The following MLLT10 variants were observed in gnomAD, a reference collection of about 807,000 sequenced individuals.
MLLT10 encodes protein AF-10.
A neutral mutation model predicts 129.1 loss-of-function variants in MLLT10; 30 were observed. That is an observed-to-expected ratio of 0.23 (90% CI 0.17 to 0.32). The LOEUF (loss-of-function observed/expected upper bound fraction) is 0.32. MLLT10 is among the 10% of genes least tolerant of loss of function. The pLI, the probability that MLLT10 is intolerant of heterozygous loss-of-function variation, is 1.00. For synonymous variants in MLLT10, 490 were observed against 446.4 expected (o/e 1.10, Z -1.23); for missense variants, 1,119 against 1,268.3 (o/e 0.88, Z 1.79).
At chr10:21,587,322 A>G (rs544021067) in intron 4 of MLLT10, among the ~76,000 whole-genome samples, 101 of 150,572 alleles carry the variant, frequency 6.7e-4, no homozygotes, top group Non-Finnish European at 1.4e-3. Flanking sequence ...TGGGAAGCTG[A>G]GCAGGAGGAT....
chr10:21,594,260 T>C (rs2042798329), intron 4 of MLLT10, among the ~76,000 whole-genome samples: 1 of 151,920 alleles, frequency 6.6e-6, no homozygotes, highest in African/African-American at 2.4e-5. Flanking sequence ...TTGTCAAAAG[T>C]ACCCTTCAGG....
In MLLT10 at chr10:21,716,698, A is replaced by C. The variant is rs768282192; in HGVS notation, c.1878+2748A>C. The stretch of plus-strand genomic sequence containing the variant: ...CAACAGAGCCAGACTCTGTCTCCCC[A>C]AAAAAAAAAAAAAGTAATTCTAGAA... On this transcript the variant is annotated intron_variant, in intron 14 of 22. Transcript: ENST00000307729. Among the ~76,000 whole-genome samples the C allele has an allele frequency of 4.4e-3, 627 of 143,230 alleles. 1 individual carries two copies. The highest frequency in any genetic ancestry group is 6.8e-3 in the South Asian group (31 of 4,544). The allele number at this position is 143,230 out of a possible 152,430, so 94.0% of individuals were successfully genotyped here.
chr10:21,573,298 A>G (rs1243143041), intron 3 of MLLT10, among the ~76,000 whole-genome samples: 1 of 152,204 alleles, frequency 6.6e-6, no homozygotes, highest in African/African-American at 2.4e-5. Flanking sequence ...TTGCTTTCAA[A>G]TATAGCTTTT....
At chr10:21,705,747 T>A (rs2055429139) in intron 13 of MLLT10, among the ~76,000 whole-genome samples, 2 of 152,230 alleles carry the variant, frequency 1.3e-5, no homozygotes, top group African/African-American at 4.8e-5. Flanking sequence ...TAGGACAGTG[T>A]GTAGCCTGTT....
At chr10:21,562,818 G>GTTTTTTT (rs1163404490) in intron 3 of MLLT10, among the ~76,000 whole-genome samples, 32 of 82,562 alleles carry the variant, frequency 3.9e-4, no homozygotes, top group East Asian at 1.0e-3. Context: ...TGTTTTTTTT[G>GTTTTTTT]TTTTTTTTTT....
intron 5 of MLLT10, among the ~76,000 whole-genome samples, chr10:21,606,434 T>C (rs962155646): frequency 6.6e-6 from 1 of 152,232 alleles, no homozygotes; most frequent in African/African-American, 2.4e-5. Flanking sequence ...ATGATTCCTC[T>C]GATGGATCTG....
At chr10:21,545,661 T>C (rs1175903517) in intron 3 of MLLT10, among the ~76,000 whole-genome samples, 1 of 152,202 alleles carries the variant, frequency 6.6e-6, no homozygotes, top group East Asian at 1.9e-4. Flanking sequence ...CACTTTCTCA[T>C]GACTATTTTT....
intron 4 of MLLT10, among the ~76,000 whole-genome samples, chr10:21,590,415 C>G (rs2042386235): frequency 6.6e-6 from 1 of 151,882 alleles, no homozygotes; most frequent in Admixed American, 6.6e-5. Flanking sequence ...TGTCGGCTCA[C>G]TGCAGACTTC....
chr10:21,737,344 G>A (rs1236511828), intron 21 of MLLT10, among the ~76,000 whole-genome samples: 2 of 152,188 alleles, frequency 1.3e-5, no homozygotes, highest in African/African-American at 4.8e-5. Context: ...GGAAAGCAGA[G>A]GAAGGGGAAG....
At chr10:21,540,653 A>G (rs2034985630) in intron 3 of MLLT10, among the ~76,000 whole-genome samples, 1 of 152,122 alleles carries the variant, frequency 6.6e-6, no homozygotes, top group Non-Finnish European at 1.5e-5. Context: ...AGTTATGCAA[A>G]CCTACCATTT....
In MLLT10 at chr10:21,614,704, C is replaced by A. The variant is rs1377974568; in HGVS notation, c.510-127C>A. 1.2e-5 allele frequency: 8 copies of A among 664,278 alleles called. No individual in the cohort carries two copies. In the East Asian group the frequency reaches 2.4e-4, roughly 20 times the overall value. 41.1% of individuals were successfully genotyped at this position (664,278 alleles called of 1,614,324 possible). A position where few individuals can be genotyped will look rare whatever the true frequency, so the allele number is the denominator to read the frequency against. On this transcript the variant is annotated intron_variant, in intron 6 of 22. Coordinates refer to ENST00000307729, the MANE Select transcript of MLLT10 (RefSeq NM_001195626.3). The stretch of plus-strand genomic sequence containing the variant: ...CAGCTAGAATAAAGCTTTTTATTTT[C>A]TCATTTTTTTCTTAGGAGATGTTAT...
In MLLT10 at chr10:21,612,317, G is replaced by A. The variant is rs1389524104; in HGVS notation, c.406-31G>A. 3.7e-6 allele frequency: 5 copies of A among 1,368,028 alleles called. No homozygotes were observed. In the East Asian group the frequency reaches 7.0e-5, roughly 19 times the overall value. The allele number at this position is 1,368,028 out of a possible 1,614,324, so 84.7% of individuals were successfully genotyped here. ...TCTGATTCATGTTAAGAACATGTAT[G>A]ATTTTTGTCTTTTTTTTTTTTAACC... is the stretch of plus-strand genomic sequence containing the variant. On this transcript the variant is annotated intron_variant, in intron 5 of 22. Coordinates refer to ENST00000307729, the MANE Select transcript of MLLT10 (RefSeq NM_001195626.3).
intron 5 of MLLT10, among the ~76,000 whole-genome samples, chr10:21,598,368 C>T (rs2043205852): frequency 6.6e-6 from 1 of 152,174 alleles, no homozygotes; most frequent in African/African-American, 2.4e-5. Flanking sequence ...ATAATCTAGG[C>T]TCATCTTGTG....
intron 13 of MLLT10, among the ~76,000 whole-genome samples, chr10:21,701,209 C>CT (rs78462656): frequency 0.19 from 28,522 of 148,160 alleles, 2,848 homozygotes; most frequent in East Asian, 0.36. Flanking sequence ...GTTCTTACCT[C>CT]TTTTTTTTGC....
At chr10:21,634,358 A>G (rs139338155) in intron 8 of MLLT10, among the ~76,000 whole-genome samples, 2 of 152,312 alleles carry the variant, frequency 1.3e-5, no homozygotes, top group East Asian at 3.9e-4. Context: ...GAAAAGATTC[A>G]TGTTAAGCAT....
chr10:21,552,023 C>T (rs1224055970), intron 3 of MLLT10: 5 of 237,924 alleles, frequency 2.1e-5, no homozygotes, highest in Non-Finnish European at 8.4e-6. Flanking sequence ...AGCTTCTGAC[C>T]TCAGGTCATC....
intron 2 of MLLT10, among the ~76,000 whole-genome samples, chr10:21,537,431 G>A (rs2034246509): frequency 6.6e-6 from 1 of 152,050 alleles, no homozygotes; most frequent in African/African-American, 2.4e-5. Context: ...CTGAGTAGCT[G>A]GGACTACAGG....
At chr10:21,579,032 G>A (rs1200295135) in intron 3 of MLLT10, among the ~76,000 whole-genome samples, 2 of 152,126 alleles carry the variant, frequency 1.3e-5, no homozygotes, top group Admixed American at 1.3e-4. Flanking sequence ...AGCCTTTCTT[G>A]CAGGGCATAT....
At chr10:21,549,132 T>TG (rs991850637) in intron 3 of MLLT10, among the ~76,000 whole-genome samples, 1 of 151,184 alleles carries the variant, frequency 6.6e-6, no homozygotes, top group Non-Finnish European at 1.5e-5. Flanking sequence ...CTTTTTTTTT[T>TG]TTTTTTTTTA....
Sources: allele counts gnomAD v4.1 joint callset (sites outside exome capture counted in the v4.1 genomes callset), GRCh38; gene constraint gnomAD v4.1.1; transcripts MANE v1.5; gene names NCBI Gene and HGNC (gene_info 2026-07-23, HGNC 2026-07-21).